PAPPA: variants seen among roughly 807,000 people sequenced by gnomAD.
The protein encoded by PAPPA is pappalysin-1.
Under a neutral mutation model 164.0 loss-of-function variants are expected in PAPPA, and 60 were observed. The ratio of observed to expected loss-of-function variants is 0.37; its 90% CI spans 0.30 to 0.45. The LOEUF (loss-of-function observed/expected upper bound fraction) is 0.45, where lower values mean the gene tolerates loss of function less well. Among genes scored for constraint, PAPPA ranks in the 20% least tolerant of loss-of-function variants. The pLI is 1.00. For missense variants in PAPPA, 1,782 were observed against 2,087.3 expected (o/e 0.85, Z 2.85); for synonymous variants, 875 against 814.1 (o/e 1.07, Z -1.27).
chr9:116,222,736 T>G (rs1293511670), intron 5 of PAPPA, among the ~76,000 whole-genome samples: 1 of 152,098 alleles, frequency 6.6e-6, no homozygotes, highest in Non-Finnish European at 1.5e-5. Flanking sequence ...GGGCATAAAG[T>G]TTCAGGTAGA....
At chr9:116,235,714 G>A in intron 7 of PAPPA, 77 bp downstream of exon 7, 1 of 1,385,176 alleles carries the variant, frequency 7.2e-7, no homozygotes, top group African/African-American at 1.4e-5. Context: ...AGAGAGGCCT[G>A]GACAGGGGGA....
chr9:116,380,055 G>C (rs553312920), intron 20 of PAPPA, among the ~76,000 whole-genome samples: 1 of 152,260 alleles, frequency 6.6e-6, no homozygotes, highest in South Asian at 2.1e-4. Context: ...TCCCTGTCTA[G>C]ATCAAATCTT....
intron 19 of PAPPA, among the ~76,000 whole-genome samples, chr9:116,369,580 AC>A (rs1846546170): frequency 6.6e-6 from 1 of 152,060 alleles, no homozygotes; most frequent in African/African-American, 2.4e-5. Context: ...CCTCCCTCTC[AC>A]CCCAGTATCA....
chr9:116,390,130 G>A (rs1412290802), intron 21 of PAPPA, among the ~76,000 whole-genome samples: 3 of 152,198 alleles, frequency 2.0e-5, no homozygotes, highest in African/African-American at 4.8e-5. Flanking sequence ...ATGAATTCAT[G>A]TCTTATGGAT....
intron 2 of PAPPA, among the ~76,000 whole-genome samples, chr9:116,189,934 G>A (rs1318772231): frequency 4.6e-5 from 7 of 152,182 alleles, no homozygotes; most frequent in South Asian, 2.1e-4. Flanking sequence ...TCAGCTTCCC[G>A]GCACCAGGAG....
chr9:116,254,608 C>T (rs2118787365), intron 7 of PAPPA, among the ~76,000 whole-genome samples: 1 of 151,898 alleles, frequency 6.6e-6, no homozygotes, highest in Non-Finnish European at 1.5e-5. Context: ...CGGTGAAACC[C>T]CATCTCTACT....
chr9:116,254,555 G>A (rs948544804), intron 7 of PAPPA, among the ~76,000 whole-genome samples: 1 of 152,088 alleles, frequency 6.6e-6, no homozygotes, highest in Non-Finnish European at 1.5e-5. Context: ...GGCCAGGGTG[G>A]GCGGATCACA....
intron 9 of PAPPA, among the ~76,000 whole-genome samples, chr9:116,297,806 A>T (rs1461377841): frequency 1.3e-5 from 2 of 152,222 alleles, no homozygotes; most frequent in Non-Finnish European, 2.9e-5. Flanking sequence ...CAACCTCATT[A>T]TCATCATTGT....
chr9:116,285,182 T>C, intron 9 of PAPPA, among the ~76,000 whole-genome samples: 1 of 142,050 alleles, frequency 7.0e-6, no homozygotes, highest in African/African-American at 2.6e-5. Context: ...TTTTTTTTTT[T>C]TTTTTTTTGA....
intron 13 of PAPPA, among the ~76,000 whole-genome samples, chr9:116,340,341 A>T (rs929756007): frequency 2.0e-5 from 3 of 152,248 alleles, no homozygotes; most frequent in Non-Finnish European, 4.4e-5. Flanking sequence ...GTGTTCACAC[A>T]ACCTTGTCCA....
At chr9:116,344,477 T>C in intron 13 of PAPPA, 66 bp from the exon 14 acceptor site, 2 of 1,506,728 alleles carry the variant, frequency 1.3e-6, no homozygotes, top group African/African-American at 2.7e-5. Flanking sequence ...TTAGCCTTTA[T>C]CTTCCAACTG....
intron 7 of PAPPA, among the ~76,000 whole-genome samples, chr9:116,242,645 C>T (rs1488701702): frequency 1.3e-5 from 2 of 152,206 alleles, no homozygotes; most frequent in African/African-American, 4.8e-5. Context: ...CTCGTACAAA[C>T]ATCCTTGCAG....
chr9:116,204,474 G>A (rs983363419), intron 2 of PAPPA, among the ~76,000 whole-genome samples: 1 of 152,140 alleles, frequency 6.6e-6, no homozygotes, highest in African/African-American at 2.4e-5. Context: ...GAGTACAGTG[G>A]TACAATCATA....
At position 116,235,543 on chromosome 9, in the gene PAPPA, C is replaced by T. The variant is rs757525543; in HGVS notation, c.2638C>T (p.Gln880Ter). The change falls in exon 7 of 22, where the codon CAG (glutamine) becomes TAG (stop). Residue 880 changes from glutamine to a stop codon, truncating the protein, a stop_gained. Coordinates refer to ENST00000328252, the MANE Select transcript of PAPPA (RefSeq NM_002581.5). LOFTEE classifies it high-confidence loss of function. The part of the protein sequence containing the change: ...TSTADTPLCL[Q>*]CKPLKYKVVR... ...CACTGCAGACACCCCACTCTGTCTA[C>T]AGTGTAAGCCCCTGAAGTATAAGGT... 2 of 1,613,744 alleles carry T rather than the reference C, an allele frequency of 1.2e-6. No homozygotes were observed. Among genetic ancestry groups the T allele is most frequent in the Non-Finnish European group, 1.7e-6 (2 of 1,180,026 alleles).
intron 9 of PAPPA, among the ~76,000 whole-genome samples, chr9:116,279,948 G>A (rs1378569819): frequency 1.3e-5 from 2 of 152,146 alleles, no homozygotes; most frequent in East Asian, 3.9e-4. Flanking sequence ...AAGCAAGTGA[G>A]GGATATAGAC....
chr9:116,252,635 G>T (rs1014393487), intron 7 of PAPPA, among the ~76,000 whole-genome samples: 1 of 152,202 alleles, frequency 6.6e-6, no homozygotes, highest in East Asian at 1.9e-4. Context: ...GACTTCTACA[G>T]CTGGAGATAG....
intron 17 of PAPPA, among the ~76,000 whole-genome samples, chr9:116,358,666 A>C (rs545429230): frequency 2.0e-4 from 31 of 152,124 alleles, no homozygotes; most frequent in African/African-American, 6.5e-4. Context: ...TTCCGCTATT[A>C]TTTTGTTTAT....
At chr9:116,392,687 C>A (rs1846910111) in intron 21 of PAPPA, among the ~76,000 whole-genome samples, 1 of 152,156 alleles carries the variant, frequency 6.6e-6, no homozygotes, top group East Asian at 1.9e-4. Flanking sequence ...AGGCAGTTCA[C>A]AAAGAGGCAA....
Position 116,207,459 on chromosome 9 carries a change from C to G in PAPPA, c.1482C>G (p.Ala494=). The change falls in exon 3 of 22, where the codon GCC becomes GCG. Residue 494 remains alanine, a synonymous_variant. Coordinates refer to ENST00000328252, the MANE Select transcript of PAPPA (RefSeq NM_002581.5). ...TCFDPDSPHR[A]YLDVNELKNI... ...CAAGGTTCTTTTTCTGTTTCAGAGC[C>G]TACTTGGATGTTAATGAGCTGAAGA... 6.2e-7 allele frequency: 1 copy of G among 1,608,978 alleles called. No homozygotes were observed. Among genetic ancestry groups the G allele is most frequent in the East Asian group, 2.2e-5 (1 of 44,686 alleles).
Sources: allele counts gnomAD v4.1 joint callset (sites outside exome capture counted in the v4.1 genomes callset), GRCh38; gene constraint gnomAD v4.1.1; transcripts MANE v1.5; gene names NCBI Gene and HGNC (gene_info 2026-07-23, HGNC 2026-07-21).